The following KCNT2 variants were observed in gnomAD, a reference collection of about 807,000 sequenced individuals.
The protein encoded by KCNT2 is potassium channel subfamily T member 2.
KCNT2 carries 67 observed loss-of-function variants against 153.8 expected under a neutral mutation model. That is an observed-to-expected ratio of 0.44 (90% CI 0.36 to 0.53). The LOEUF (loss-of-function observed/expected upper bound fraction) is 0.53. KCNT2 is among the 20% of genes least tolerant of loss of function. The probability of loss-of-function intolerance (pLI) is 0.00; values close to 1 mark genes in which losing one functional copy is unlikely to be tolerated. For synonymous variants in KCNT2, 500 were observed against 458.8 expected (o/e 1.09, Z -1.15); for missense variants, 975 against 1,354.8 (o/e 0.72, Z 4.40).
At chr1:196,400,968 G>A (rs1323649214) in intron 12 of KCNT2, among the ~76,000 whole-genome samples, 1 of 151,770 alleles carries the variant, frequency 6.6e-6, no homozygotes, top group Admixed American at 6.6e-5. Flanking sequence ...AGACTCCACA[G>A]AAAACCTGCC....
chr1:196,295,579 G>T (rs1015942915), intron 22 of KCNT2, among the ~76,000 whole-genome samples: 5 of 151,734 alleles, frequency 3.3e-5, no homozygotes, highest in Non-Finnish European at 7.4e-5. Context: ...TGAAATTTTT[G>T]AACAGAAAAG....
chr1:196,483,474 C>A (rs1679175001), intron 3 of KCNT2, among the ~76,000 whole-genome samples: 1 of 152,158 alleles, frequency 6.6e-6, no homozygotes, highest in Non-Finnish European at 1.5e-5. Flanking sequence ...GATCACATTA[C>A]CCTATTCCCT....
At chr1:196,558,441 G>A (rs770079670) in intron 1 of KCNT2, among the ~76,000 whole-genome samples, 1 of 150,644 alleles carries the variant, frequency 6.6e-6, no homozygotes, top group Non-Finnish European at 1.5e-5. Flanking sequence ...TAATTTGGGG[G>A]GTGTTTTTTA....
At chr1:196,511,846 C>A (rs1681661288) in intron 1 of KCNT2, among the ~76,000 whole-genome samples, 1 of 152,188 alleles carries the variant, frequency 6.6e-6, no homozygotes, top group Non-Finnish European at 1.5e-5. Flanking sequence ...TCTTTTAAGA[C>A]CCTCTCTCTA....
chr1:196,587,689 A>G (rs913058381), intron 1 of KCNT2, among the ~76,000 whole-genome samples: 2 of 152,076 alleles, frequency 1.3e-5, no homozygotes, highest in Non-Finnish European at 2.9e-5. Flanking sequence ...ATTACTTTCC[A>G]TTTAAACTTA....
intron 8 of KCNT2, among the ~76,000 whole-genome samples, chr1:196,441,532 T>C (rs1464173143): frequency 6.6e-6 from 1 of 151,548 alleles, no homozygotes; most frequent in Non-Finnish European, 1.5e-5. Context: ...GTGTTCTTTC[T>C]TATATTAAAT....
chr1:196,474,289 G>A (rs1678344324), intron 5 of KCNT2, among the ~76,000 whole-genome samples: 1 of 151,934 alleles, frequency 6.6e-6, no homozygotes, highest in South Asian at 2.1e-4. Flanking sequence ...ATTCAGCCAA[G>A]GAACATTTTG....
At chr1:196,574,734 AT>A (rs2148959085) in intron 1 of KCNT2, among the ~76,000 whole-genome samples, 1 of 152,202 alleles carries the variant, frequency 6.6e-6, no homozygotes, top group Non-Finnish European at 1.5e-5. Flanking sequence ...CTTTGGAGCT[AT>A]TATAGATAAA....
chr1:196,318,398 G>T (rs1662947330), intron 20 of KCNT2, among the ~76,000 whole-genome samples: 1 of 151,728 alleles, frequency 6.6e-6, no homozygotes, highest in Non-Finnish European at 1.5e-5. Context: ...TCTGTCCCTA[G>T]GAATTTGATC....
chr1:196,575,787 G>A (rs1320421174), intron 1 of KCNT2, among the ~76,000 whole-genome samples: 2 of 151,626 alleles, frequency 1.3e-5, no homozygotes, highest in Admixed American at 6.6e-5. Context: ...AGACCAGCCT[G>A]GCCAACATGG....
chr1:196,595,270 TTAATGAATTAATGATATTAATTCACTA>T (rs1373669594), intron 1 of KCNT2, among the ~76,000 whole-genome samples: 1 of 152,072 alleles, frequency 6.6e-6, no homozygotes, highest in Non-Finnish European at 1.5e-5. Flanking sequence ...TTAATTGATA[TTAATGAATTAATGATATTAATTCACTA>T]TAATTGAAAT....
intron 1 of KCNT2, among the ~76,000 whole-genome samples, chr1:196,553,188 G>T (rs1437795560): frequency 6.6e-6 from 1 of 150,524 alleles, no homozygotes; most frequent in Non-Finnish European, 1.5e-5. Context: ...CCTCTATAAT[G>T]AAAATAATAA....
At chr1:196,255,391 T>C (rs910409838) in intron 26 of KCNT2, among the ~76,000 whole-genome samples, 1 of 151,718 alleles carries the variant, frequency 6.6e-6, no homozygotes, top group Admixed American at 6.6e-5. Context: ...TTAAAAATTA[T>C]ATTGAAGAAA....
chr1:196,443,772 T>C (rs1675447493), intron 8 of KCNT2, among the ~76,000 whole-genome samples: 1 of 151,584 alleles, frequency 6.6e-6, no homozygotes, highest in African/African-American at 2.4e-5. Context: ...TATTTCTAAT[T>C]CATCTTATGT....
intron 8 of KCNT2, among the ~76,000 whole-genome samples, chr1:196,445,340 C>T (rs534233008): frequency 1.8e-4 from 27 of 151,432 alleles, no homozygotes; most frequent in Non-Finnish European, 2.8e-4. Context: ...GAATATCTTG[C>T]TAGCTGCTGC....
intron 26 of KCNT2, among the ~76,000 whole-genome samples, chr1:196,255,631 T>C (rs371999691): frequency 5.9e-5 from 9 of 151,876 alleles, no homozygotes; most frequent in East Asian, 3.9e-4. Flanking sequence ...CAGTAAAACA[T>C]ATATGTTCAC....
chr1:196,573,016 C>A (rs561859375), intron 1 of KCNT2, among the ~76,000 whole-genome samples: 2 of 152,104 alleles, frequency 1.3e-5, no homozygotes, highest in Non-Finnish European at 2.9e-5. Flanking sequence ...CTTGTCTCTT[C>A]GGGATTTTAA....
chr1:196,534,309 T>C (rs1272513352), intron 1 of KCNT2, among the ~76,000 whole-genome samples: 1 of 152,156 alleles, frequency 6.6e-6, no homozygotes, highest in Non-Finnish European at 1.5e-5. Context: ...GATTTCCTAC[T>C]AGACTCTGTG....
chr1:196,493,341 G>T (rs1680001984), intron 1 of KCNT2, among the ~76,000 whole-genome samples: 3 of 147,402 alleles, frequency 2.0e-5, no homozygotes, highest in Admixed American at 1.4e-4. Context: ...TTTTTGGGGG[G>T]GAGATTTTTG....
Sources: gnomAD v4.1 joint callset for allele counts (sites outside exome capture counted in the v4.1 genomes callset) on GRCh38, gnomAD v4.1.1 for gene constraint, MANE v1.5 for transcripts, NCBI Gene and HGNC (gene_info 2026-07-23, HGNC 2026-07-21) for gene names.